ZBTB7C: variants seen among roughly 807,000 people sequenced by gnomAD.
ZBTB7C encodes zinc finger and BTB domain containing 7C.
Under a neutral mutation model 25.7 loss-of-function variants are expected in ZBTB7C, and 8 were observed. That is an observed-to-expected ratio of 0.31 (90% CI 0.18 to 0.56). ZBTB7C has a LOEUF of 0.56. Ranked by LOEUF, ZBTB7C falls within the 20% of genes least tolerant of loss-of-function variation. The pLI, the probability that ZBTB7C is intolerant of heterozygous loss-of-function variation, is 0.91. For synonymous variants in ZBTB7C, 394 were observed against 369.0 expected, an observed-to-expected ratio of 1.07 and a Z score of -0.78; for missense variants, 824 against 855.2, an observed-to-expected ratio of 0.96 and a Z score of 0.46.
At chr18:48,353,977 T>A (rs2145056441) in intron 1 of ZBTB7C, among the ~76,000 whole-genome samples, 1 of 152,264 alleles carries the variant, frequency 6.6e-6, no homozygotes, top group South Asian at 2.1e-4. Context: ...CCTCCTTAGG[T>A]TGCCATATTT....
intron 2 of ZBTB7C, among the ~76,000 whole-genome samples, chr18:48,268,965 T>TC (rs2044395059): frequency 6.7e-6 from 1 of 148,982 alleles, no homozygotes; most frequent in South Asian, 2.2e-4. Context: ...TTTCTTTTTT[T>TC]TTTTTTTTTT....
chr18:48,302,215 G>A (rs2144745937), intron 2 of ZBTB7C, among the ~76,000 whole-genome samples: 1 of 152,318 alleles, frequency 6.6e-6, no homozygotes, highest in East Asian at 1.9e-4. Context: ...TCCCCAGAAA[G>A]GGACACACAG....
chr18:48,285,923 C>T (rs1443634448), intron 2 of ZBTB7C, among the ~76,000 whole-genome samples: 2 of 152,076 alleles, frequency 1.3e-5, no homozygotes, highest in Non-Finnish European at 2.9e-5. Context: ...GTCTATGGTT[C>T]TCATTTTATA....
At chr18:48,314,091 T>G (rs1360435682) in intron 2 of ZBTB7C, among the ~76,000 whole-genome samples, 2 of 152,186 alleles carry the variant, frequency 1.3e-5, no homozygotes, top group Non-Finnish European at 2.9e-5. Context: ...CAATTAAACC[T>G]CTTTATAAAT....
At chr18:48,133,049 C>T (rs2040035730) in intron 3 of ZBTB7C, among the ~76,000 whole-genome samples, 1 of 152,234 alleles carries the variant, frequency 6.6e-6, no homozygotes, top group Admixed American at 6.5e-5. Context: ...AGTTGCTCCA[C>T]TCAATTTGTT....
chr18:48,126,861 G>A (rs1431543968), intron 3 of ZBTB7C, among the ~76,000 whole-genome samples: 1 of 148,488 alleles, frequency 6.7e-6, no homozygotes, highest in Non-Finnish European at 1.5e-5. Flanking sequence ...TTTCCGCCTG[G>A]GCCCAGGTCA....
At chr18:48,307,925 G>T (rs2045714818) in intron 2 of ZBTB7C, among the ~76,000 whole-genome samples, 1 of 152,160 alleles carries the variant, frequency 6.6e-6, no homozygotes, top group Non-Finnish European at 1.5e-5. Flanking sequence ...TTATGCAATG[G>T]CTGTCGTGGA....
intron 2 of ZBTB7C, among the ~76,000 whole-genome samples, chr18:48,277,108 A>G (rs1369481937): frequency 6.8e-6 from 1 of 147,730 alleles, no homozygotes; most frequent in Admixed American, 6.8e-5. Context: ...TGTCCAAAAC[A>G]CCAAAAGCAA....
chr18:48,094,355 C>T (rs376581626), intron 3 of ZBTB7C, among the ~76,000 whole-genome samples: 16 of 152,288 alleles, frequency 1.1e-4, no homozygotes, highest in African/African-American at 2.9e-4. Flanking sequence ...TAGCATTTGA[C>T]GAGCACCTAA....
intron 3 of ZBTB7C, among the ~76,000 whole-genome samples, chr18:48,099,911 G>A (rs949533894): frequency 6.6e-6 from 1 of 152,208 alleles, no homozygotes; most frequent in Admixed American, 6.5e-5. Flanking sequence ...TCTGAACACA[G>A]TTCCCTTTTA....
intron 2 of ZBTB7C, among the ~76,000 whole-genome samples, chr18:48,268,866 A>C (rs868241073): frequency 1.3e-4 from 20 of 152,206 alleles, no homozygotes; most frequent in South Asian, 4.1e-4. Flanking sequence ...ATTTGTAAGC[A>C]ACTGAAATTT....
At chr18:48,385,410 C>T (rs1375557058) in intron 1 of ZBTB7C, among the ~76,000 whole-genome samples, 2 of 152,134 alleles carry the variant, frequency 1.3e-5, no homozygotes, top group Non-Finnish European at 2.9e-5. Flanking sequence ...GATGAGAACA[C>T]CATGAGGAGG....
chr18:48,357,657 T>C (rs768189302), intron 1 of ZBTB7C, among the ~76,000 whole-genome samples: 6 of 152,168 alleles, frequency 3.9e-5, no homozygotes, highest in Non-Finnish European at 8.8e-5. Flanking sequence ...ATTTGAACTT[T>C]GCCCCACCCA....
At chr18:48,304,669 C>T (rs578055290) in intron 2 of ZBTB7C, among the ~76,000 whole-genome samples, 41 of 151,858 alleles carry the variant, frequency 2.7e-4, no homozygotes, top group African/African-American at 6.0e-4. Context: ...AGTGAGACTC[C>T]GTCTCAGAAA....
chr18:48,108,203 A>G (rs2039102537), intron 3 of ZBTB7C, among the ~76,000 whole-genome samples: 1 of 152,170 alleles, frequency 6.6e-6, no homozygotes, highest in Admixed American at 6.5e-5. Context: ...GGACTTGCCC[A>G]CAGTGAGTCT....
chr18:48,247,928 T>C (rs957618917), intron 2 of ZBTB7C, among the ~76,000 whole-genome samples: 1 of 152,210 alleles, frequency 6.6e-6, no homozygotes, highest in African/African-American at 2.4e-5. Context: ...ACAATCTCCA[T>C]GTGTCAACGG....
At chr18:48,347,662 C>T (rs1433542424) in intron 1 of ZBTB7C, among the ~76,000 whole-genome samples, 1 of 152,204 alleles carries the variant, frequency 6.6e-6, no homozygotes, top group Admixed American at 6.5e-5. Context: ...CCTCTGCTTT[C>T]TCACCAACCC....
At chr18:48,104,981 C>T (rs938958966) in intron 3 of ZBTB7C, among the ~76,000 whole-genome samples, 1 of 152,238 alleles carries the variant, frequency 6.6e-6, no homozygotes, top group Non-Finnish European at 1.5e-5. Flanking sequence ...TACAGGCAAA[C>T]TCCCACAGTG....
At chr18:48,031,448 C>T (rs2035743072) in intron 4 of ZBTB7C, among the ~76,000 whole-genome samples, 1 of 152,320 alleles carries the variant, frequency 6.6e-6, no homozygotes, top group Non-Finnish European at 1.5e-5. Context: ...CTACATAGTA[C>T]TCTGCTGTGA....
Sources: gnomAD v4.1 joint callset for allele counts (sites outside exome capture counted in the v4.1 genomes callset) on GRCh38, gnomAD v4.1.1 for gene constraint, MANE v1.5 for transcripts, NCBI Gene and HGNC (gene_info 2026-07-23, HGNC 2026-07-21) for gene names.